Variants in RIMS1 observed in about 807,000 individuals in gnomAD.
RIMS1 encodes the protein regulating synaptic membrane exocytosis 1.
In RIMS1, 83 loss-of-function variants were observed where a neutral mutation model predicts 214.1. That is an observed-to-expected ratio of 0.39 (90% CI 0.32 to 0.47). The LOEUF is 0.47. Among genes scored for constraint, RIMS1 ranks in the 20% least tolerant of loss-of-function variants. RIMS1 has a pLI of 0.99. For synonymous variants in RIMS1, 793 were observed against 786.8 expected (o/e 1.01, Z -0.13); for missense variants, 2,050 against 2,161.8 (o/e 0.95, Z 1.03).
chr6:71,969,537 G>A (rs146614110), intron 2 of RIMS1, among the ~76,000 whole-genome samples: 5 of 152,124 alleles, frequency 3.3e-5, no homozygotes, highest in Admixed American at 6.5e-5. Flanking sequence ...GGCTGGGCAC[G>A]GTGGCTCATG....
intron 6 of RIMS1, among the ~76,000 whole-genome samples, chr6:72,224,575 A>G (rs944872594): frequency 2.6e-5 from 4 of 152,204 alleles, no homozygotes; most frequent in African/African-American, 9.6e-5. Flanking sequence ...ATTATATTGG[A>G]AATATAGATT....
At chr6:71,927,376 C>T (rs1781854578) in intron 1 of RIMS1, among the ~76,000 whole-genome samples, 1 of 151,966 alleles carries the variant, frequency 6.6e-6, no homozygotes, top group African/African-American at 2.4e-5. Flanking sequence ...CAGTTAACTG[C>T]ATAACATAAT....
At chr6:72,389,132 A>G (rs1212170207) in intron 29 of RIMS1, among the ~76,000 whole-genome samples, 2 of 152,186 alleles carry the variant, frequency 1.3e-5, no homozygotes, top group African/African-American at 4.8e-5. Context: ...GGAAAAATCC[A>G]GCAGAAGAGA....
intron 19 of RIMS1, chr6:72,261,340 A>C: frequency 3.0e-6 from 3 of 988,956 alleles, no homozygotes; most frequent in Non-Finnish European, 3.6e-6. Flanking sequence ...ACCAGTTGTC[A>C]GAAATGCTGC....
chr6:72,299,010 A>G (rs1240665739), intron 26 of RIMS1, among the ~76,000 whole-genome samples: 1 of 151,950 alleles, frequency 6.6e-6, no homozygotes, highest in African/African-American at 2.4e-5. Context: ...AGTCTTCACA[A>G]ACTGCTTTAT....
Position 72,188,582 on chromosome 6 carries a change from T to TG in RIMS1, c.1678+5435dup, listed in dbSNP as rs1164022357. On this transcript the variant is annotated intron_variant, in intron 6 of 33. Coordinates refer to ENST00000521978, the MANE Select transcript of RIMS1 (RefSeq NM_014989.7). ...CAATTACAGTTCTCATTTCTGCACT[T>TG]GGTCACATGGCCATAGCTGGAATTG... Among the ~76,000 whole-genome samples the TG allele has an allele frequency of 5.9e-5, 9 of 152,254 alleles. No homozygotes were observed. In the South Asian group the frequency reaches 1.9e-3, roughly 31 times the overall value.
intron 4 of RIMS1, among the ~76,000 whole-genome samples, chr6:72,122,223 G>C (rs1431884915): frequency 2.9e-5 from 1 of 34,330 alleles, no homozygotes; most frequent in South Asian, 8.6e-4. Context: ...TTTTTTTTTT[G>C]AGATGGAGTC....
chr6:72,294,565 A>C (rs2154258326), intron 26 of RIMS1, among the ~76,000 whole-genome samples: 1 of 151,758 alleles, frequency 6.6e-6, no homozygotes, highest in East Asian at 1.9e-4. Context: ...TAATTTTATT[A>C]ATATACCGTT....
Position 72,183,013 on chromosome 6 carries a change from C to T in RIMS1, c.1542C>T (p.Pro514=). Residue 514 remains proline (P), a synonymous_variant, in exon 6 of 34, where the codon CCC becomes CCT. Coordinates refer to ENST00000521978, the MANE Select transcript of RIMS1 (RefSeq NM_014989.7). ...CCGAGTCGGTGCGGCCGTCCCCGCCCAAGCCGCACCGGTCCAAGAGAGGCG... is the reference window on the plus strand; with the variant it reads ...CCGAGTCGGTGCGGCCGTCCCCGCCTAAGCCGCACCGGTCCAAGAGAGGCG... ...DQSESVRPSP[P]KPHRSKRGGK... is the part of the protein sequence containing the mutation. 1 of 1,596,566 alleles carries T rather than the reference C, an allele frequency of 6.3e-7. No individual in the cohort carries two copies. The highest frequency in any genetic ancestry group is 8.5e-7 in the Non-Finnish European group (1 of 1,173,114).
intron 10 of RIMS1, among the ~76,000 whole-genome samples, chr6:72,244,690 T>G (rs2068607582): frequency 6.6e-6 from 1 of 151,816 alleles, no homozygotes; most frequent in African/African-American, 2.4e-5. Context: ...CAAAAATATA[T>G]AATAAAATTT....
intron 4 of RIMS1, among the ~76,000 whole-genome samples, chr6:72,150,153 G>C (rs965147233): frequency 6.6e-6 from 1 of 151,652 alleles, no homozygotes; most frequent in African/African-American, 2.4e-5. Context: ...GGCTTTTATG[G>C]GCTCAGAATG....
intron 26 of RIMS1, among the ~76,000 whole-genome samples, chr6:72,293,169 G>A (rs1423155257): frequency 6.6e-6 from 1 of 151,900 alleles, no homozygotes; most frequent in African/African-American, 2.4e-5. Context: ...AGTAACACTG[G>A]TGTGATAAAC....
At chr6:71,913,707 G>A (rs998669518) in intron 1 of RIMS1, among the ~76,000 whole-genome samples, 2 of 152,060 alleles carry the variant, frequency 1.3e-5, no homozygotes, top group Non-Finnish European at 2.9e-5. Flanking sequence ...GTGTCATGTG[G>A]TTTCTGGTAT....
At chr6:72,227,057 T>G (rs2060402472) in intron 6 of RIMS1, among the ~76,000 whole-genome samples, 1 of 151,996 alleles carries the variant, frequency 6.6e-6, no homozygotes, top group African/African-American at 2.4e-5. Context: ...AGATTTAGGA[T>G]TAGTCACAAG....
intron 1 of RIMS1, among the ~76,000 whole-genome samples, chr6:71,911,377 G>C (rs1279856603): frequency 6.6e-6 from 1 of 151,950 alleles, no homozygotes; most frequent in Non-Finnish European, 1.5e-5. Flanking sequence ...GAATTAGAAT[G>C]GTAAATGGAC....
intron 27 of RIMS1, among the ~76,000 whole-genome samples, chr6:72,312,158 A>G (rs2095543216): frequency 6.6e-6 from 1 of 152,200 alleles, no homozygotes; most frequent in African/African-American, 2.4e-5. Flanking sequence ...AAGACAGTTC[A>G]AATTCATTAA....
At chr6:72,002,399 C>A (rs1159696338) in intron 2 of RIMS1, among the ~76,000 whole-genome samples, 3 of 151,620 alleles carry the variant, frequency 2.0e-5, no homozygotes, top group Non-Finnish European at 4.4e-5. Context: ...GGCAACAATA[C>A]CCCAGAAGTC....
At chr6:72,083,947 A>G (rs980241434) in intron 2 of RIMS1, among the ~76,000 whole-genome samples, 3 of 152,202 alleles carry the variant, frequency 2.0e-5, no homozygotes, top group Non-Finnish European at 4.4e-5. Context: ...GTCCAGTTGT[A>G]TAATGTAGTT....
In RIMS1 at chr6:72,187,483, T is replaced by TTTA. The variant is rs1488297284; in HGVS notation, c.1678+4336_1678+4337insATT. Among the ~76,000 whole-genome samples the TTTA allele has an allele frequency of 4.9e-4, 73 of 147,586 alleles. 1 individual carries two copies. Among genetic ancestry groups the TTTA allele is most frequent in the Non-Finnish European group, 6.0e-5 (4 of 66,932 alleles). ...TTGTGTCCAGATATCCTTTTTGTTTTTTTTTTTTTTTTGGAGACAGAGTCT... is the reference window on the plus strand; with the variant it reads ...TTGTGTCCAGATATCCTTTTTGTTTTTTATTTTTTTTTTTTGGAGACAGAGTCT... On this transcript the variant is annotated intron_variant, in intron 6 of 33. Transcript: ENST00000521978.
Sources: gnomAD v4.1 joint callset for allele counts (sites outside exome capture counted in the v4.1 genomes callset) on GRCh38, gnomAD v4.1.1 for gene constraint, MANE v1.5 for transcripts, NCBI Gene and HGNC (gene_info 2026-07-23, HGNC 2026-07-21) for gene names.